The following LAMA1 variants were observed in gnomAD, a reference collection of about 807,000 sequenced individuals.
The protein encoded by LAMA1 is laminin subunit alpha-1.
In LAMA1, 219 loss-of-function variants were observed where a neutral mutation model predicts 348.7. That is an observed-to-expected ratio of 0.63 (90% CI 0.56 to 0.70). The LOEUF (loss-of-function observed/expected upper bound fraction) is 0.70, where lower values mean the gene tolerates loss of function less well. LAMA1 is among the 30% of genes least tolerant of loss of function. LAMA1 has a pLI of 0.00. For missense variants in LAMA1, 3,744 were observed against 3,888.0 expected, an observed-to-expected ratio of 0.96 and a Z score of 0.99; for synonymous variants, 1,487 against 1,491.0, an observed-to-expected ratio of 1.00 and a Z score of 0.06.
intron 55 of LAMA1, chr18:6,957,410 A>T (rs1306325694): frequency 6.5e-6 from 1 of 154,696 alleles, no homozygotes; most frequent in Non-Finnish European, 1.4e-5. Context: ...AACCTGTGCA[A>T]AAATCTAAAC....
intron 60 of LAMA1, among the ~76,000 whole-genome samples, chr18:6,948,135 G>A (rs946841181): frequency 2.6e-5 from 4 of 152,156 alleles, no homozygotes; most frequent in African/African-American, 9.7e-5. Context: ...AGAACCTGGG[G>A]AAACTATAGA....
At chr18:7,043,466 T>C (rs2058029103) in intron 7 of LAMA1, 61 bp from the exon 8 acceptor site, 1 of 1,351,966 alleles carries the variant, frequency 7.4e-7, no homozygotes. Context: ...CAAAGAAAAC[T>C]CTTAACCTCC....
intron 1 of LAMA1, among the ~76,000 whole-genome samples, chr18:7,085,398 T>TTTC (rs199847806): frequency 4.9e-4 from 70 of 141,466 alleles, no homozygotes; most frequent in African/African-American, 1.7e-3. Context: ...TTACTCTTTT[T>TTTC]TTCTTCTTCT....
chr18:6,993,677 C>A lies in LAMA1; in HGVS notation c.4972G>T (p.Ala1658Ser), dbSNP rs1239461620. 2 of 1,613,876 alleles carry A rather than the reference C, an allele frequency of 1.2e-6. No homozygotes were observed. Among genetic ancestry groups the A allele is most frequent in the African/African-American group, 2.7e-5 (2 of 74,896 alleles). The change falls in exon 35 of 63, where the codon GCC becomes TCC. Residue 1658 changes from alanine to serine, a missense_variant. By Grantham distance (99) the Ala-to-Ser change is moderately conservative (BLOSUM62 1). Transcript: ENST00000389658. The part of the protein sequence containing the change: ...ERIFKESQDL[A>S]IAIERLQMSI... ...ATCTGCAGCCTCTCAATGGCTATGG[C>A]CAGGTCTTGACTCTCCTTGAAGATT...
chr18:7,117,519 C>T, intron 1 of LAMA1, 141 bp downstream of exon 1: 1 of 789,398 alleles, frequency 1.3e-6, no homozygotes, highest in South Asian at 1.8e-5. Context: ...GGGAGACCCA[C>T]GTGGCCGAGA....
intron 33 of LAMA1, among the ~76,000 whole-genome samples, chr18:6,997,042 T>C (rs998367585): frequency 6.6e-6 from 1 of 151,830 alleles, no homozygotes; most frequent in Non-Finnish European, 1.5e-5. Flanking sequence ...CAGATTTATT[T>C]TCTGCTTTTC....
chr18:7,063,145 A>G (rs1023643510), intron 3 of LAMA1, among the ~76,000 whole-genome samples: 5 of 152,186 alleles, frequency 3.3e-5, no homozygotes, highest in Admixed American at 6.5e-5. Context: ...ATCTAGCTGA[A>G]TCGTTGATAG....
At chr18:6,992,189 G>C (rs2057761788) in intron 36 of LAMA1, among the ~76,000 whole-genome samples, 1 of 152,172 alleles carries the variant, frequency 6.6e-6, no homozygotes, top group African/African-American at 2.4e-5. Context: ...ACCTGTCTTA[G>C]AGTTCATGGT....
rs369203845 is a variant in LAMA1, at chr18:7,073,927, C to T, written c.345+6048G>A. Among the ~76,000 whole-genome samples the T allele has an allele frequency of 4.4e-5, 5 of 113,516 alleles. No individual in the cohort carries two copies. In the South Asian group the frequency reaches 1.3e-3, roughly 29 times the overall value. The allele number at this position is 113,516 out of a possible 152,430, so 74.5% of individuals were successfully genotyped here. A position where few individuals can be genotyped will look rare whatever the true frequency, so the allele number is the denominator to read the frequency against. On this transcript the variant is annotated intron_variant, in intron 3 of 62. Coordinates refer to ENST00000389658, the MANE Select transcript of LAMA1 (RefSeq NM_005559.4). ...TCAGCTCACTGCAACCTCCACCTCC[C>T]GGGTTCAAGCTATTCCCCTGCCTCA...
At chr18:7,043,483 A>T (rs2058029217) in intron 7 of LAMA1, 78 bp from the exon 8 acceptor site, 1 of 1,151,942 alleles carries the variant, frequency 8.7e-7, no homozygotes, top group Admixed American at 1.8e-5. Flanking sequence ...CTCCCTAAGT[A>T]AGTTCTATGA....
chr18:6,964,571 G>A (rs1376436959), intron 51 of LAMA1, 91 bp downstream of exon 51: 1 of 1,483,384 alleles, frequency 6.7e-7, no homozygotes, highest in Non-Finnish European at 9.4e-7. Context: ...TGTTGTTTAA[G>A]CCACCTGGTT....
rs372377426 is a variant in LAMA1, at chr18:7,036,009, G to A, written c.1817C>T (p.Ser606Leu). 2.1e-5 allele frequency: 34 copies of A among 1,613,846 alleles called. No homozygotes were observed. The highest frequency in any genetic ancestry group is 2.6e-5 in the Non-Finnish European group (31 of 1,179,842). ...PVETVDSNLM[S>L]HADVIIKGNG... ...CACCTTAATGATGACGTCAGCATGC[G>A]ACATGAGGTTACTGTCTACCGTCTC... Residue 606 changes from serine to leucine, a missense_variant, in exon 13 of 63, where the codon TCG becomes TTG. By Grantham distance (145) the Ser-to-Leu change is moderately radical. Coordinates refer to ENST00000389658, the MANE Select transcript of LAMA1 (RefSeq NM_005559.4).
chr18:7,007,845 G>A (rs1358120945), intron 28 of LAMA1, among the ~76,000 whole-genome samples: 6 of 152,076 alleles, frequency 3.9e-5, no homozygotes, highest in Non-Finnish European at 7.3e-5. Flanking sequence ...CAACATGGAT[G>A]AGCCTTGAGG....
intron 56 of LAMA1, chr18:6,956,362 T>C: frequency 1.7e-6 from 1 of 597,478 alleles, no homozygotes; most frequent in Non-Finnish European, 3.1e-6. Flanking sequence ...TAATGAGTCC[T>C]TATAGAAGCT....
At chr18:7,047,685 A>T (rs996477922) in intron 5 of LAMA1, among the ~76,000 whole-genome samples, 1 of 152,198 alleles carries the variant, frequency 6.6e-6, no homozygotes, top group Non-Finnish European at 1.5e-5. Flanking sequence ...TGGCACAAGA[A>T]TAGACAAACA....
intron 1 of LAMA1, among the ~76,000 whole-genome samples, chr18:7,108,640 C>CAAAAAAAAAAAAAAAAAAAA (rs58802341): frequency 1.2e-4 from 5 of 40,236 alleles, no homozygotes; most frequent in African/African-American, 3.0e-4. Flanking sequence ...GACTCTGTCT[C>CAAAAAAAAAAAAAAAAAAAA]AAAAAAAAAA....
chr18:7,040,305 G>C, intron 9 of LAMA1, 69 bp from the exon 10 acceptor site: 1 of 1,536,686 alleles, frequency 6.5e-7, no homozygotes, highest in South Asian at 1.1e-5. Context: ...GTTGGCAAAT[G>C]TTTTCTGTAA....
chr18:7,096,213 T>C (rs1031866239), intron 1 of LAMA1, among the ~76,000 whole-genome samples: 6 of 152,252 alleles, frequency 3.9e-5, no homozygotes, highest in African/African-American at 1.4e-4. Context: ...ACTGCCCACA[T>C]TCCAGAGGCA....
chr18:7,007,019 A>G (rs2057835131), intron 29 of LAMA1, 120 bp downstream of exon 29: 1 of 1,374,604 alleles, frequency 7.3e-7, no homozygotes, highest in Non-Finnish European at 1.0e-6. Flanking sequence ...TATATTTTAT[A>G]TTTAGCTAAA....
Sources: allele counts gnomAD v4.1 joint callset (sites outside exome capture counted in the v4.1 genomes callset), GRCh38; gene constraint gnomAD v4.1.1; transcripts MANE v1.5; gene names NCBI Gene and HGNC (gene_info 2026-07-23, HGNC 2026-07-21).